The following SMAP2 variants were observed in gnomAD, a reference collection of about 807,000 sequenced individuals.
SMAP2 encodes the protein small ArfGAP2, also known as stromal membrane-associated protein 2.
Under a neutral mutation model 56.4 loss-of-function variants are expected in SMAP2, and 25 were observed. That is an observed-to-expected ratio of 0.44 (90% CI 0.32 to 0.62). The LOEUF is 0.62. SMAP2 is among the 20% of genes least tolerant of loss of function. The pLI, the probability that SMAP2 is intolerant of heterozygous loss-of-function variation, is 0.04. For synonymous variants in SMAP2, 157 were observed against 181.7 expected (o/e 0.86, Z 1.09); for missense variants, 388 against 545.6 (o/e 0.71, Z 2.88).
intron 1 of SMAP2, among the ~76,000 whole-genome samples, chr1:40,399,911 G>A (rs1215895338): frequency 6.6e-6 from 1 of 152,120 alleles, no homozygotes; most frequent in Non-Finnish European, 1.5e-5. Flanking sequence ...AACAAAATTG[G>A]CTAGGAGTTG....
At chr1:40,365,733 A>C (rs1302975732) in intron 2 of SMAP2, among the ~76,000 whole-genome samples, 1 of 152,198 alleles carries the variant, frequency 6.6e-6, no homozygotes, top group Non-Finnish European at 1.5e-5. Context: ...AAAAGTAGAT[A>C]AAACCACAAA....
intron 1 of SMAP2, among the ~76,000 whole-genome samples, chr1:40,355,916 T>C (rs922725546): frequency 6.6e-6 from 1 of 152,172 alleles, no homozygotes; most frequent in Non-Finnish European, 1.5e-5. Context: ...CAGCAAATTC[T>C]AGATCTTATT....
In SMAP2 at chr1:40,416,183, G is replaced by T. The variant is rs1419713269; in HGVS notation, c.689G>T (p.Gly230Val). 6.2e-7 allele frequency: 1 copy of T among 1,613,684 alleles called. No homozygotes were observed. Among genetic ancestry groups the T allele is most frequent in the South Asian group, 1.1e-5 (1 of 91,026 alleles). The change falls in exon 8 of 10, where the codon GGT becomes GTT. Residue 230 changes from glycine (G) to valine (V), a missense_variant. Physicochemically the swap from Gly to Val is moderately radical, Grantham distance 109. Transcript: ENST00000372718. The stretch of plus-strand genomic sequence containing the variant: ...CGCCCTCTTTGCCCTAAGGTTGTAG[G>T]TTCCATGCCAACTGCAGGGAGTGCC... ...PSSSGSRKVV[G>V]SMPTAGSAGS...
chr1:40,388,022 G>A (rs1011438965), intron 1 of SMAP2, among the ~76,000 whole-genome samples: 5 of 152,174 alleles, frequency 3.3e-5, no homozygotes, highest in Non-Finnish European at 5.9e-5. Context: ...GGTGTGCTGG[G>A]TCCCCCAGCA....
intron 1 of SMAP2, chr1:40,396,944 G>C (rs1024902018): frequency 8.6e-5 from 64 of 744,674 alleles, no homozygotes; most frequent in Non-Finnish European, 9.8e-5. Flanking sequence ...TTTTTACTTT[G>C]ACTTCCAAAT....
intron 1 of SMAP2, chr1:40,375,729 T>C: frequency 2.1e-6 from 2 of 946,046 alleles, no homozygotes; most frequent in Non-Finnish European, 2.5e-6. Context: ...CAAATTCCCT[T>C]ATGTCCTCAT....
rs1239114565 is a variant in SMAP2, at chr1:40,385,465, A to G, written c.103+11242A>G. On this transcript the variant is annotated intron_variant, in intron 1 of 9. Coordinates refer to ENST00000372718, the MANE Select transcript of SMAP2 (RefSeq NM_022733.3). This position sits in a 1 kb window ranked among gnomAD's most constrained non-coding sequence, Gnocchi z 4.5. Reference sequence around the variant, plus strand: ...CAAAGCTTCCAAAAAGAAATTTCTTAATCTGAAACAATGAGAACTGGGTTC... The same window carrying G: ...CAAAGCTTCCAAAAAGAAATTTCTTGATCTGAAACAATGAGAACTGGGTTC... 3.9e-5 allele frequency among the ~76,000 whole-genome samples: 6 copies of G among 152,228 alleles called. No individual in the cohort carries two copies. Among genetic ancestry groups the G allele is most frequent in the Non-Finnish European group, 8.8e-5 (6 of 68,032 alleles).
rs751982588 is a variant in SMAP2, at chr1:40,422,025, T to C, written c.1214T>C (p.Met405Thr). Reference protein sequence around the residue: ...GMNFYGANGMMNYGQSMSGGN... With the variant: ...GMNFYGANGMTNYGQSMSGGN... ...AACTTCTATGGAGCCAATGGCATGA[T>C]GAACTATGGACAGTCAATGAGTGGC... The change falls in exon 10 of 10, where the codon ATG (methionine) becomes ACG (threonine). Residue 405 changes from methionine (M) to threonine (T), a missense_variant. Met to Thr is a moderately conservative substitution (Grantham distance 81, BLOSUM62 -1). Transcript: ENST00000372718. 1 of 1,614,182 alleles carries C rather than the reference T, an allele frequency of 6.2e-7. No individual in the cohort carries two copies.
intron 1 of SMAP2, among the ~76,000 whole-genome samples, chr1:40,375,556 T>G (rs559981809): frequency 6.6e-6 from 1 of 152,344 alleles, no homozygotes; most frequent in African/African-American, 2.4e-5. Flanking sequence ...GAAAACAAAT[T>G]CCTAGACTTC....
intron 6 of SMAP2, 43 bp from the exon 7 acceptor site, chr1:40,415,229 T>G: frequency 6.9e-7 from 1 of 1,449,072 alleles, no homozygotes; most frequent in African/African-American, 1.4e-5. Flanking sequence ...AGGCATGGGC[T>G]TAATAAGCAG....
Position 40,415,979 on chromosome 1 carries a change from G to A in SMAP2, c.682-197G>A, listed in dbSNP as rs1033652032. ...TGTTCCTACCAAATCACATGTTTTG[G>A]TGAAAGGAAAGAATTGTAACAGAGC... On this transcript the variant is annotated intron_variant, in intron 7 of 9. Transcript: ENST00000372718. Among the ~76,000 whole-genome samples, 29 of 152,294 alleles carry A rather than the reference G, an allele frequency of 1.9e-4. 1 individual carries two copies. Among genetic ancestry groups the A allele is most frequent in the Admixed American group, 5.9e-4 (9 of 15,294 alleles).
rs1002991741 is a variant in SMAP2 at position 40,385,266 on chromosome 1, G to C, written c.103+11043G>C. Among the ~76,000 whole-genome samples, 1 of 152,062 alleles carries C rather than the reference G, an allele frequency of 6.6e-6. No homozygotes were observed. The highest frequency in any genetic ancestry group is 1.5e-5 in the Non-Finnish European group (1 of 68,016). ...TTGCTTTTTTTCATTTTCAATTAAT[G>C]TTAAGTGATTCTCTGACAAATTTTG... On this transcript the variant is annotated intron_variant, in intron 1 of 9. Coordinates refer to ENST00000372718, the MANE Select transcript of SMAP2 (RefSeq NM_022733.3). The surrounding 1 kb of genome is among the most constrained non-coding windows in gnomAD (Gnocchi z 4.5).
chr1:40,394,920 C>T (rs1326853212), intron 1 of SMAP2, among the ~76,000 whole-genome samples: 3 of 152,054 alleles, frequency 2.0e-5, no homozygotes, highest in Non-Finnish European at 2.9e-5. Context: ...AAGGCCTGTG[C>T]GTCTCTGTGG....
intron 1 of SMAP2, among the ~76,000 whole-genome samples, chr1:40,347,099 G>A (rs1264233672): frequency 2.0e-5 from 3 of 151,528 alleles, no homozygotes; most frequent in South Asian, 4.2e-4. Context: ...GCCAGAGTGC[G>A]GTGGCATGAT....
intron 9 of SMAP2, among the ~76,000 whole-genome samples, chr1:40,419,327 C>T (rs534400557): frequency 1.4e-5 from 2 of 147,256 alleles, no homozygotes; most frequent in East Asian, 2.0e-4. Context: ...GTCACCCAGG[C>T]TGGAATGCAG....
intron 8 of SMAP2, 21 bp from the exon 9 acceptor site, chr1:40,416,759 G>C: frequency 6.3e-7 from 1 of 1,587,766 alleles, no homozygotes; most frequent in East Asian, 2.3e-5. Flanking sequence ...TAACCAACCT[G>C]TATGTGTGTT....
intron 1 of SMAP2, among the ~76,000 whole-genome samples, chr1:40,379,030 C>T (rs209578): frequency 0.31 from 46,050 of 149,576 alleles, 7,646 homozygotes; most frequent in Non-Finnish European, 0.38. Context: ...CCCAGGCTGG[C>T]GTGCGATGGC....
chr1:40,407,844 T>G (rs1232762633), intron 2 of SMAP2, among the ~76,000 whole-genome samples: 1 of 152,224 alleles, frequency 6.6e-6, no homozygotes, highest in Non-Finnish European at 1.5e-5. Flanking sequence ...TGCATGCTGT[T>G]AGCTTGGTGG....
At position 40,414,162 on chromosome 1, in the gene SMAP2, C is replaced by G; in HGVS notation, c.493C>G (p.Gln165Glu). 1 of 1,614,062 alleles carries G rather than the reference C, an allele frequency of 6.2e-7. No homozygotes were observed. Reference protein sequence around the residue: ...PVVFEKVKMPQKKEDPQLPRK... With the variant: ...PVVFEKVKMPEKKEDPQLPRK... ...CTATAACATATTTTCACCTTAGCCA[C>G]AGAAAAAAGAAGACCCACAGCTACC... is the stretch of plus-strand genomic sequence containing the variant. The change falls in exon 6 of 10, where the codon CAG (glutamine) becomes GAG (glutamate). Residue 165 changes from glutamine (Q) to glutamate (E), a missense_variant. Gln to Glu is a conservative substitution (Grantham distance 29). Transcript: ENST00000372718.
Sources: gnomAD v4.1 joint callset for allele counts (sites outside exome capture counted in the v4.1 genomes callset) on GRCh38, gnomAD v4.1.1 for gene constraint, Gnocchi (gnomAD v3.1) non-coding constraint, MANE v1.5 for transcripts, NCBI Gene and HGNC (gene_info 2026-07-23, HGNC 2026-07-21) for gene names.